Variants in KRT8 observed in about 807,000 individuals in gnomAD.
The protein encoded by KRT8 is keratin 8, also known as keratin, type II cytoskeletal 8.
KRT8 carries 24 observed loss-of-function variants against 43.0 expected under a neutral mutation model. That is an observed-to-expected ratio of 0.56 (90% confidence interval 0.40 to 0.78). The LOEUF (loss-of-function observed/expected upper bound fraction) is 0.78. Among genes scored for constraint, KRT8 ranks in the 30% least tolerant of loss-of-function variants. The probability of loss-of-function intolerance (pLI) is 0.00; values close to 1 mark genes in which losing one functional copy is unlikely to be tolerated. For missense variants in KRT8, 492 were observed against 638.4 expected, an observed-to-expected ratio of 0.77 and a Z score of 2.47; for synonymous variants, 214 against 261.2, an observed-to-expected ratio of 0.82 and a Z score of 1.74.
chr12:52,949,742 C>T (rs887163490), exon 1 of KRT8: 1 of 752,554 alleles, frequency 1.3e-6, no homozygotes, highest in Non-Finnish European at 2.4e-6. Flanking sequence ...CACCTAGCCA[C>T]AGGGTCCCTA....
intron 2 of KRT8, among the ~76,000 whole-genome samples, chr12:52,934,997 G>T (rs148048081): frequency 4.5e-4 from 68 of 151,592 alleles, no homozygotes; most frequent in African/African-American, 1.6e-3. Context: ...TACATCTATG[G>T]AACATAATAG....
chr12:52,899,921 C>T, exon 5 of KRT8: 1 of 1,613,272 alleles, frequency 6.2e-7, no homozygotes, highest in Non-Finnish European at 8.5e-7. Context: ...TACATGCTCT[C>T]AGCCTCAGCC....
At chr12:52,911,450 G>A (rs1243896648), upstream of KRT8, among the ~76,000 whole-genome samples, 2 of 152,156 alleles carry the variant, frequency 1.3e-5, no homozygotes. Flanking sequence ...GACACTGAGG[G>A]AATCAAGTCC....
rs771379033 is a variant in KRT8 at position 52,899,686 on chromosome 12, C to T, written c.981+89G>A. ...GAACCCTGGTCTAGGATTCCTTCCC[C>T]GACTCCCAGAAACTTCACTCTTCCT... is the stretch of plus-strand genomic sequence containing the variant. On this transcript the variant is annotated intron_variant, in intron 5 of 7. Coordinates refer to ENST00000692008, the Ensembl canonical transcript of KRT8. 1.6e-5 allele frequency: 20 copies of T among 1,217,616 alleles called. No homozygotes were observed. The Admixed American group carries it at 2.1e-4, about 13-fold the overall frequency. The allele number at this position is 1,217,616 out of a possible 1,614,324, so 75.4% of individuals were successfully genotyped here.
chr12:52,928,373 T>G (rs753341221), intron 2 of KRT8, among the ~76,000 whole-genome samples: 5 of 152,100 alleles, frequency 3.3e-5, no homozygotes, highest in Non-Finnish European at 7.4e-5. Context: ...ACAATGCCCC[T>G]ACCATTATGC....
intron 2 of KRT8, among the ~76,000 whole-genome samples, chr12:52,937,543 C>A (rs1259017214): frequency 6.6e-6 from 1 of 150,808 alleles, no homozygotes; most frequent in Non-Finnish European, 1.5e-5. Flanking sequence ...CAAAAATTAG[C>A]CAGGCATGGT....
At chr12:52,938,554 A>T (rs1219310263) in intron 2 of KRT8, among the ~76,000 whole-genome samples, 2 of 151,812 alleles carry the variant, frequency 1.3e-5, no homozygotes, top group African/African-American at 4.8e-5. Flanking sequence ...AGGCAGAAGG[A>T]TCACCTGAGC....
intron 2 of KRT8, among the ~76,000 whole-genome samples, chr12:52,916,066 G>A (rs1055400041): frequency 5.9e-5 from 9 of 152,192 alleles, no homozygotes; most frequent in African/African-American, 9.7e-5. Context: ...GGACAGGAGC[G>A]GGATTCCTAT....
chr12:52,898,574 A>G, intron 6 of KRT8, 55 bp from the exon 7 acceptor site: 1 of 1,612,672 alleles, frequency 6.2e-7, no homozygotes. Flanking sequence ...CTTGGCCCAG[A>G]ACAACAGGAC....
At chr12:52,939,368 G>A (rs1942230053) in intron 2 of KRT8, among the ~76,000 whole-genome samples, 1 of 152,094 alleles carries the variant, frequency 6.6e-6, no homozygotes, top group African/African-American at 2.4e-5. Flanking sequence ...GCCTGGTGTG[G>A]TGGCACACGC....
chr12:52,915,652 G>T (rs909519960), intron 2 of KRT8, among the ~76,000 whole-genome samples: 2 of 152,060 alleles, frequency 1.3e-5, no homozygotes, highest in Non-Finnish European at 2.9e-5. Flanking sequence ...AGAGGCTGCA[G>T]TGAGCCAAGA....
chr12:52,900,922 A>G (rs1370119507), intron 3 of KRT8: 3 of 632,100 alleles, frequency 4.7e-6, no homozygotes. Flanking sequence ...CTAGAGCCAG[A>G]TCTCCAGTTC....
At chr12:52,897,732 G>A (rs930794324) in intron 7 of KRT8, 114 bp from the exon 8 acceptor site, 9 of 1,420,148 alleles carry the variant, frequency 6.3e-6, no homozygotes, top group Non-Finnish European at 7.8e-6. Flanking sequence ...GGTTAACCCA[G>A]CTCTGCCTGA....
At chr12:52,914,032 G>A (rs886392640) in intron 2 of KRT8, among the ~76,000 whole-genome samples, 18 of 152,174 alleles carry the variant, frequency 1.2e-4, no homozygotes, top group Admixed American at 3.9e-4. Context: ...AGACCAGCCT[G>A]ACCAACATGG....
chr12:52,915,126 C>T (rs181754745), intron 2 of KRT8, among the ~76,000 whole-genome samples: 298 of 152,300 alleles, frequency 2.0e-3, no homozygotes, highest in African/African-American at 7.0e-3. Context: ...GTAATCCCAG[C>T]TCTTTGGGAG....
intron 2 of KRT8, among the ~76,000 whole-genome samples, chr12:52,918,785 C>T (rs1941828578): frequency 6.6e-6 from 1 of 152,140 alleles, no homozygotes; most frequent in African/African-American, 2.4e-5. Context: ...TTCCCAAAGC[C>T]TTTCTCCACA....
At chr12:52,941,239 T>A (rs1483360708) in intron 2 of KRT8, among the ~76,000 whole-genome samples, 1 of 151,302 alleles carries the variant, frequency 6.6e-6, no homozygotes, top group Non-Finnish European at 1.5e-5. Context: ...TCTATAAATC[T>A]AAATGTTTTA....
At chr12:52,911,885 C>G (rs1447408752), upstream of KRT8, among the ~76,000 whole-genome samples, 1 of 151,998 alleles carries the variant, frequency 6.6e-6, no homozygotes, top group Non-Finnish European at 1.5e-5. Flanking sequence ...AAAAATTAGC[C>G]AAGTATGGTG....
intron 2 of KRT8, among the ~76,000 whole-genome samples, chr12:52,938,149 TATATATATATATATATATATA>T (rs151050756): frequency 0.077 from 2,769 of 35,758 alleles, 210 homozygotes; most frequent in African/African-American, 0.17. Flanking sequence ...TATATATATA[TATATATATATATATATATATA>T]TTTTTTTTTT....
Sources: gnomAD v4.1 joint callset for allele counts (sites outside exome capture counted in the v4.1 genomes callset) on GRCh38, gnomAD v4.1.1 for gene constraint, MANE v1.5 for transcripts, NCBI Gene and HGNC (gene_info 2026-07-23, HGNC 2026-07-21) for gene names.